The following SEC24C variants were observed in gnomAD, a reference collection of about 807,000 sequenced individuals.
The protein encoded by SEC24C is protein transport protein Sec24C.
In SEC24C, 22 loss-of-function variants were observed where a neutral mutation model predicts 117.0. The observed-to-expected ratio is 0.19, with a 90% CI of 0.13 to 0.27. The LOEUF is 0.27. Among genes scored for constraint, SEC24C ranks in the 10% least tolerant of loss-of-function variants. The pLI is 1.00. For missense variants in SEC24C, 1,155 were observed against 1,375.1 expected, an observed-to-expected ratio of 0.84 and a Z score of 2.53; for synonymous variants, 506 against 529.4, an observed-to-expected ratio of 0.96 and a Z score of 0.61.
At chr10:73,770,892 AG>A in intron 22 of SEC24C, 62 bp from the exon 23 acceptor site, 1 of 1,613,416 alleles carries the variant, frequency 6.2e-7, no homozygotes, top group Non-Finnish European at 8.5e-7. Flanking sequence ...CTGCCTAATG[AG>A]ATTTCTGGGC....
chr10:73,764,055 A>T, intron 8 of SEC24C, 72 bp downstream of exon 8: 1 of 1,485,588 alleles, frequency 6.7e-7, no homozygotes, highest in Non-Finnish European at 9.0e-7. Context: ...GTCTTCCTGG[A>T]TGTGATTCCA....
At chr10:73,770,504 T>C in intron 21 of SEC24C, 33 bp downstream of exon 21, 10 of 1,607,668 alleles carry the variant, frequency 6.2e-6, no homozygotes, top group Non-Finnish European at 8.5e-6. Flanking sequence ...AATATGGGTG[T>C]GGAAGTATAC....
chr10:73,763,706 T>TTTTTTAAAAA, intron 7 of SEC24C, 105 bp downstream of exon 7: 1 of 681,258 alleles, frequency 1.5e-6, no homozygotes, highest in Non-Finnish European at 2.2e-6. Flanking sequence ...TTTTAGTTTT[T>TTTTTTAAAAA]AACCAGAGAC....
chr10:73,768,828 C>T lies in SEC24C; in HGVS notation c.2200C>T (p.Arg734Trp), dbSNP rs555997918. 2.7e-5 allele frequency: 44 copies of T among 1,613,488 alleles called. No homozygotes were observed. In the East Asian group the frequency reaches 8.0e-4, roughly 29 times the overall value. Residue 734 changes from arginine (R) to tryptophan (W), a missense_variant, in exon 16 of 23, where the codon CGG becomes TGG. Transcript: ENST00000345254. ...CCTGCAGGTGGAGAACGACCAGGAG[C>T]GGTTCCTGAGTGACCTGCGTCGTGA... ...ASFQVENDQE[R>W]FLSDLRRDVQ...
At chr10:73,749,705 G>A (rs1003645768) in intron 2 of SEC24C, among the ~76,000 whole-genome samples, 8 of 151,806 alleles carry the variant, frequency 5.3e-5, no homozygotes, top group Admixed American at 3.3e-4. Context: ...CACCACGCCC[G>A]GCTAATTTTT....
chr10:73,763,706 T>TTAA, intron 7 of SEC24C, 105 bp downstream of exon 7: 1 of 681,258 alleles, frequency 1.5e-6, no homozygotes, highest in Non-Finnish European at 2.2e-6. Flanking sequence ...TTTTAGTTTT[T>TTAA]AACCAGAGAC....
At chr10:73,770,189 G>C in intron 20 of SEC24C, 91 bp from the exon 21 acceptor site, 2 of 1,353,594 alleles carry the variant, frequency 1.5e-6, no homozygotes, top group Non-Finnish European at 2.0e-6. Flanking sequence ...TGGTGTCTGA[G>C]GACTTAGCTT....
rs756224203 is a variant in SEC24C, at chr10:73,760,273, A to G, written c.737A>G (p.His246Arg). The change falls in exon 5 of 23, where the codon CAT becomes CGT. Residue 246 changes from histidine (H) to arginine (R), a missense_variant. By Grantham distance (29) the His-to-Arg change is conservative (BLOSUM62 0). Around this residue, in one of 2 missense-constraint regions of SEC24C, gnomAD observed 396 missense variants for 382.8 expected, o/e 1.03. Coordinates refer to ENST00000345254, the MANE Select transcript of SEC24C (RefSeq NM_198597.3). The part of the protein sequence containing the change: ...FGGPSVSQPN[H>R]VSSPPQALPP... The stretch of plus-strand genomic sequence containing the variant: ...GGGCCCTCAGTGAGCCAGCCCAACC[A>G]TGTGTCTTCACCTCCTCAAGCTCTG... 4 of 1,613,642 alleles carry G rather than the reference A, an allele frequency of 2.5e-6. No individual in the cohort carries two copies. The South Asian group carries it at 3.3e-5, about 13-fold the overall frequency.
In SEC24C at chr10:73,763,618, C is replaced by T; in HGVS notation, c.1099+17C>T. The T allele has an allele frequency of 6.7e-7, 1 of 1,482,274 alleles. No homozygotes were observed. Among genetic ancestry groups the T allele is most frequent in the Non-Finnish European group, 9.3e-7 (1 of 1,071,398 alleles). The allele number at this position is 1,482,274 out of a possible 1,614,324, so 91.8% of individuals were successfully genotyped here. ...AAGACCAAGGTGAGAATGGAATTAGCTCCTCCCACAGGGGCTTTTTCTTCA... is the reference window on the plus strand; with the variant it reads ...AAGACCAAGGTGAGAATGGAATTAGTTCCTCCCACAGGGGCTTTTTCTTCA... On this transcript the variant is annotated intron_variant, in intron 7 of 22. Coordinates refer to ENST00000345254, the MANE Select transcript of SEC24C (RefSeq NM_198597.3).
chr10:73,745,143 C>G (rs1056185791), intron 1 of SEC24C, among the ~76,000 whole-genome samples: 3 of 152,130 alleles, frequency 2.0e-5, no homozygotes, highest in Non-Finnish European at 4.4e-5. Flanking sequence ...TGCAGCAACT[C>G]TGAGTGCTCC....
At chr10:73,770,115 GT>G (rs765835528) in intron 20 of SEC24C, 100 bp downstream of exon 20, 107 of 1,304,374 alleles carry the variant, frequency 8.2e-5, no homozygotes, top group Admixed American at 1.2e-4. Flanking sequence ...AGTGGAATTT[GT>G]TTTTATGTAT....
intron 3 of SEC24C, among the ~76,000 whole-genome samples, chr10:73,754,844 CAA>C (rs1268451251): frequency 6.6e-6 from 1 of 152,108 alleles, no homozygotes; most frequent in African/African-American, 2.4e-5. Flanking sequence ...CATTAAAAGA[CAA>C]TGAGGGGCCA....
At chr10:73,757,405 A>G (rs942891704) in intron 3 of SEC24C, among the ~76,000 whole-genome samples, 1 of 150,088 alleles carries the variant, frequency 6.7e-6, no homozygotes, top group African/African-American at 2.4e-5. Flanking sequence ...CCTGGGAAGC[A>G]GAGGTGGAGG....
At position 73,763,968 on chromosome 10, in the gene SEC24C, G is replaced by A. The variant is rs571874911; in HGVS notation, c.1212G>A (p.Arg404=). ...CAGCAGTCATCAAACCGCTGGCAAG[G>A]CTGCCCCCAGAGGAGGTGAGTCAGG... ...PLAAVIKPLA[R]LPPEEASPYV... is the part of the protein sequence containing the mutation. The change falls in exon 8 of 23, where the codon AGG becomes AGA. Residue 404 remains arginine (R), a synonymous_variant. Transcript: ENST00000345254. 1.2e-5 allele frequency: 19 copies of A among 1,592,232 alleles called. No individual in the cohort carries two copies. The African/African-American group carries it at 1.7e-4, about 15-fold the overall frequency.
At chr10:73,765,261 A>G (rs1444855144) in intron 8 of SEC24C, among the ~76,000 whole-genome samples, 190 bp from the exon 9 acceptor site, 2 of 152,212 alleles carry the variant, frequency 1.3e-5, no homozygotes, top group African/African-American at 4.8e-5. Flanking sequence ...AGGGAACTAT[A>G]TAATTTTTAC....
At chr10:73,746,094 A>G (rs980372227) in intron 1 of SEC24C, among the ~76,000 whole-genome samples, 43 of 145,048 alleles carry the variant, frequency 3.0e-4, no homozygotes, top group African/African-American at 9.5e-4. Context: ...CAGGAGGTGA[A>G]GGTTGCAGTG....
chr10:73,764,282 T>C (rs1239317640), intron 8 of SEC24C, among the ~76,000 whole-genome samples: 3 of 151,798 alleles, frequency 2.0e-5, no homozygotes, highest in Admixed American at 6.6e-5. Context: ...CCCAGCACTT[T>C]GGGAGGCTGA....
chr10:73,769,625 A>G lies in SEC24C; in HGVS notation c.2574A>G (p.Gly858=), dbSNP rs367750440. The part of the protein sequence containing the change: ...INYMAKFAYR[G]VLNSPVKAVR... ...TGCTTTCCCATCCAGCATATCGGGG[A>G]GTCCTGAATAGCCCTGTGAAGGCTG... The change falls in exon 19 of 23, where the codon GGA becomes GGG. Residue 858 remains glycine (G), a synonymous_variant. Coordinates refer to ENST00000345254, the MANE Select transcript of SEC24C (RefSeq NM_198597.3). This position sits in a 1 kb window ranked among gnomAD's most constrained non-coding sequence, Gnocchi z 4.5. The G allele has an allele frequency of 2.5e-6, 4 of 1,613,918 alleles. No homozygotes were observed. The African/African-American group carries it at 4.0e-5, about 16-fold the overall frequency.
At position 73,771,188 on chromosome 10, in the gene SEC24C, G is replaced by A; in HGVS notation, c.*93G>A. 7.0e-7 allele frequency: 1 copy of A among 1,433,330 alleles called. No individual in the cohort carries two copies. Among genetic ancestry groups the A allele is most frequent in the Non-Finnish European group, 9.5e-7 (1 of 1,049,292 alleles). 88.8% of individuals were successfully genotyped at this position (1,433,330 alleles called of 1,614,324 possible). A position where few individuals can be genotyped will look rare whatever the true frequency, so the allele number is the denominator to read the frequency against. ...TGGGACAGTAACATATCTTATGTAA[G>A]CTGACCTCAGTCTCTCTGGGGGGAG... On this transcript the variant is annotated 3_prime_UTR_variant, in exon 23 of 23. Coordinates refer to ENST00000345254, the MANE Select transcript of SEC24C (RefSeq NM_198597.3).
Sources: gnomAD v4.1 joint callset for allele counts (sites outside exome capture counted in the v4.1 genomes callset) on GRCh38, gnomAD v4.1.1 for gene constraint, gnomAD v4.1.1 regional missense constraint, Gnocchi (gnomAD v3.1) non-coding constraint, MANE v1.5 for transcripts, NCBI Gene and HGNC (gene_info 2026-07-23, HGNC 2026-07-21) for gene names.